The following ZMYM2 variants were observed in gnomAD, a reference collection of about 807,000 sequenced individuals.
ZMYM2 encodes zinc finger MYM-type containing 2.
Under a neutral mutation model 162.8 loss-of-function variants are expected in ZMYM2, and 56 were observed. The observed-to-expected ratio is 0.34, with a 90% CI of 0.28 to 0.43. The LOEUF (loss-of-function observed/expected upper bound fraction) is 0.43, where lower values mean the gene tolerates loss of function less well. ZMYM2 is among the 20% of genes least tolerant of loss of function. ZMYM2 has a pLI of 1.00. For synonymous variants in ZMYM2, 510 were observed against 541.6 expected (o/e 0.94, Z 0.81); for missense variants, 1,275 against 1,621.8 (o/e 0.79, Z 3.67).
chr13:19,953,553 G>A, the ZMYM2 span, among the ~76,000 whole-genome samples: 1 of 151,918 alleles, frequency 6.6e-6, no homozygotes, highest in South Asian at 2.1e-4. Flanking sequence ...GCGTGGTGGC[G>A]CTTGCCTGTA....
Position 20,061,162 on chromosome 13 carries a change from T to G in ZMYM2, c.2849T>G (p.Leu950Trp). The G allele has an allele frequency of 6.2e-7, 1 of 1,613,796 alleles. No homozygotes were observed. Reference sequence around the variant, plus strand: ...TCTTCAGATGCTCTTGATACAGAGTTGCTTACAATGACGGATATGATGAGT... The same window carrying G: ...TCTTCAGATGCTCTTGATACAGAGTGGCTTACAATGACGGATATGATGAGT... ...KVSSDALDTE[L>W]LTMTDMMSED... Residue 950 changes from leucine (L) to tryptophan (W), a missense_variant, in exon 17 of 25, where the codon TTG becomes TGG. By Grantham distance (61) the Leu-to-Trp change is moderately conservative. Coordinates refer to ENST00000610343, the MANE Select transcript of ZMYM2 (RefSeq NM_197968.4).
At chr13:20,056,610 T>A (rs748346574) in intron 14 of ZMYM2, among the ~76,000 whole-genome samples, 3 of 152,116 alleles carry the variant, frequency 2.0e-5, no homozygotes, top group Non-Finnish European at 4.4e-5. Context: ...CGACACAACC[T>A]GGGGGCAGTA....
chr13:19,944,419 G>A, the ZMYM2 span, among the ~76,000 whole-genome samples: 2 of 152,108 alleles, frequency 1.3e-5, no homozygotes, highest in South Asian at 4.1e-4. Flanking sequence ...ATACAGTCCT[G>A]AAAAAGAATG....
Position 20,074,237 on chromosome 13 carries a change from T to TGTGTGTGAGA in ZMYM2, c.3453+6848_3453+6849insTGTGTGAGAG, listed in dbSNP as rs1491090474. On this transcript the variant is annotated intron_variant, in intron 21 of 24. Coordinates refer to ENST00000610343, the MANE Select transcript of ZMYM2 (RefSeq NM_197968.4). ...GTGTGTGTGTGTGTGTGTGTGTGTG[T>TGTGTGTGAGA]GAGAGAGACAGAGAGACAGGGTCTC... Among the ~76,000 whole-genome samples the TGTGTGTGAGA allele has an allele frequency of 4.8e-3, 607 of 127,524 alleles. 6 individuals are homozygous for TGTGTGTGAGA. The highest frequency in any genetic ancestry group is 0.015 in the African/African-American group (572 of 37,664). 83.7% of individuals were successfully genotyped at this position (127,524 alleles called of 152,430 possible).
intron 2 of ZMYM2, among the ~76,000 whole-genome samples, chr13:19,976,559 G>C (rs1035127645): frequency 2.0e-5 from 3 of 152,060 alleles, no homozygotes; most frequent in Non-Finnish European, 2.9e-5. Flanking sequence ...TTAAACAACA[G>C]TTCCCCAATT....
intron 12 of ZMYM2, among the ~76,000 whole-genome samples, chr13:20,046,059 TAGTG>T (rs1954752444): frequency 6.9e-6 from 1 of 144,374 alleles, no homozygotes; most frequent in Non-Finnish European, 1.5e-5. Flanking sequence ...CTGGGGAACA[TAGTG>T]AGAGCCCATC....
intron 23 of ZMYM2, among the ~76,000 whole-genome samples, chr13:20,083,288 C>A (rs1467525026): frequency 1.3e-5 from 2 of 152,158 alleles, no homozygotes; most frequent in African/African-American, 2.4e-5. Context: ...TCTCGAACTC[C>A]CGACCTCAGG....
At chr13:20,076,914 G>A (rs189378923) in intron 21 of ZMYM2, among the ~76,000 whole-genome samples, 1 of 150,102 alleles carries the variant, frequency 6.7e-6, no homozygotes, top group East Asian at 1.9e-4. Flanking sequence ...TCGGCACACC[G>A]CATCTCCGCC....
At chr13:19,937,448 G>A in the ZMYM2 span, among the ~76,000 whole-genome samples, 6 of 133,134 alleles carry the variant, frequency 4.5e-5, no homozygotes, top group African/African-American at 1.6e-4. Context: ...TACCGGCCTA[G>A]TATTCCTCTT....
In ZMYM2 at chr13:20,006,494, T is replaced by C; in HGVS notation, c.1420T>C (p.Leu474=). 1 of 1,613,860 alleles carries C rather than the reference T, an allele frequency of 6.2e-7. No individual in the cohort carries two copies. The change falls in exon 6 of 25, where the codon TTG becomes CTG. Residue 474 remains leucine (L), a synonymous_variant. Transcript: ENST00000610343. ...TTGCTGTGAACAGTGTGGAGAGTAC[T>C]TGCCCAGTAAAGGTGCTGGAAATAA... ...MNCCEQCGEY[L]PSKGAGNNVL...
intron 3 of ZMYM2, among the ~76,000 whole-genome samples, chr13:19,995,539 C>T (rs1487147186): frequency 6.6e-6 from 1 of 152,054 alleles, no homozygotes; most frequent in Non-Finnish European, 1.5e-5. Context: ...CCACCATACC[C>T]AGCTAATTTT....
intron 11 of ZMYM2, among the ~76,000 whole-genome samples, 194 bp downstream of exon 11, chr13:20,034,598 A>C (rs1543537): frequency 0.83 from 127,047 of 152,154 alleles, 54,211 homozygotes; most frequent in Non-Finnish European, 0.92. Flanking sequence ...TATCTCTAAA[A>C]ATTTGGTAAC....
At chr13:19,968,857 T>C (rs1956043887) in intron 2 of ZMYM2, among the ~76,000 whole-genome samples, 1 of 152,232 alleles carries the variant, frequency 6.6e-6, no homozygotes. Context: ...AAGTGTGTTA[T>C]GTGTGTTTTT....
chr13:20,060,297 GTA>G (rs374106505), intron 16 of ZMYM2, among the ~76,000 whole-genome samples: 84 of 152,332 alleles, frequency 5.5e-4, no homozygotes, highest in Admixed American at 2.4e-3. Context: ...TGTATAGTAT[GTA>G]TATGTTCATC....
At chr13:19,899,584 G>A in the ZMYM2 span, among the ~76,000 whole-genome samples, 1 of 152,044 alleles carries the variant, frequency 6.6e-6, no homozygotes, top group African/African-American at 2.4e-5. Flanking sequence ...TTGGGAGGCT[G>A]AGGTGGGTGG....
At chr13:19,973,390 G>A (rs887329522) in intron 2 of ZMYM2, among the ~76,000 whole-genome samples, 3 of 151,968 alleles carry the variant, frequency 2.0e-5, no homozygotes, top group Middle Eastern at 3.2e-3. Context: ...CCATAGAGGG[G>A]CCGGGCGTGG....
the ZMYM2 span, among the ~76,000 whole-genome samples, chr13:19,877,785 C>T: frequency 6.6e-6 from 1 of 152,130 alleles, no homozygotes; most frequent in South Asian, 2.1e-4. Flanking sequence ...CTTGCTTATC[C>T]ACTTCTGCCG....
At chr13:19,875,517 A>G in the ZMYM2 span, among the ~76,000 whole-genome samples, 1 of 147,106 alleles carries the variant, frequency 6.8e-6, no homozygotes, top group African/African-American at 2.5e-5. Flanking sequence ...AGTGCCAGCT[A>G]TTCGGGAAGC....
chr13:19,946,418 C>A, the ZMYM2 span, among the ~76,000 whole-genome samples: 1 of 152,170 alleles, frequency 6.6e-6, no homozygotes, highest in South Asian at 2.1e-4. Context: ...CTTGATTTTC[C>A]TGCTGTTCAG....
Sources: allele counts gnomAD v4.1 joint callset (sites outside exome capture counted in the v4.1 genomes callset), GRCh38; gene constraint gnomAD v4.1.1; transcripts MANE v1.5; gene names NCBI Gene and HGNC (gene_info 2026-07-23, HGNC 2026-07-21).